Variants in FAM53A observed in about 807,000 individuals in gnomAD.
FAM53A encodes the protein family with sequence similarity 53 member A.
In FAM53A, 28 loss-of-function variants were observed where a neutral mutation model predicts 26.6. The ratio of observed to expected loss-of-function variants is 1.05; its 90% CI spans 0.78 to 1.45. The LOEUF is 1.45. Among genes scored for constraint, FAM53A ranks in the 40% most tolerant of loss-of-function variants. The probability of loss-of-function intolerance (pLI) is 0.00; values close to 1 mark genes in which losing one functional copy is unlikely to be tolerated. For synonymous variants in FAM53A, 290 were observed against 253.1 expected (o/e 1.15, Z -1.38); for missense variants, 650 against 575.8 (o/e 1.13, Z -1.32).
chr4:1,621,990 C>T (rs28545138), intron 1 of FAM53A, among the ~76,000 whole-genome samples: 52,829 of 152,018 alleles, frequency 0.35, 9,768 homozygotes, highest in East Asian at 0.44. Flanking sequence ...GTCTTGGGAA[C>T]GGGGCACATA....
downstream of FAM53A, among the ~76,000 whole-genome samples, chr4:1,617,649 C>A (rs1714857051): frequency 6.6e-6 from 1 of 152,184 alleles, no homozygotes; most frequent in Non-Finnish European, 1.5e-5. Context: ...TTTCTTCTTT[C>A]ACTGTTTCCA....
At chr4:1,682,961 AAC>A (rs1367113078) in intron 1 of FAM53A, among the ~76,000 whole-genome samples, 17 of 152,244 alleles carry the variant, frequency 1.1e-4, no homozygotes, top group Admixed American at 5.2e-4. Context: ...CACAGAACAC[AAC>A]AGAGGGACAA....
the FAM53A span, among the ~76,000 whole-genome samples, chr4:1,603,194 T>C: frequency 1.3e-5 from 2 of 151,966 alleles, no homozygotes; most frequent in African/African-American, 4.8e-5. Flanking sequence ...GGATAAGACA[T>C]GGGATGGCAA....
Position 1,633,035 on chromosome 4 carries a change from CACGCAT to C in FAM53A, c.432-14930_432-14925del, listed in dbSNP as rs1490346656. Among the ~76,000 whole-genome samples the C allele has an allele frequency of 7.2e-3, 1,093 of 152,328 alleles. 16 individuals are homozygous for C. The highest frequency in any genetic ancestry group is 0.025 in the African/African-American group (1,029 of 41,540). On this transcript the variant is annotated intron_variant, in intron 1 of 1. Transcript: ENST00000489029. ...ACGCATAGGTACACGCTCATGCTCA[CACGCAT>C]AGGTACATGCTCATGCGCACACACA...
At chr4:1,628,629 TG>T (rs1178174048) in intron 1 of FAM53A, among the ~76,000 whole-genome samples, 1 of 6,446 alleles carries the variant, frequency 1.6e-4, no homozygotes. Flanking sequence ...GAGGGTGGCA[TG>T]GGGGGAGGGT....
chr4:1,644,344 T>C, intron 4 of FAM53A: 1 of 1,535,784 alleles, frequency 6.5e-7, no homozygotes, highest in Middle Eastern at 1.7e-4. Context: ...GCTGTGCGGC[T>C]AGAGCGTGAA....
the FAM53A span, among the ~76,000 whole-genome samples, chr4:1,582,787 C>T: frequency 1.1e-4 from 17 of 152,242 alleles, no homozygotes; most frequent in Admixed American, 2.6e-4. Context: ...CCCAGGAGGT[C>T]GAGTCTGCCA....
chr4:1,580,531 C>T, the FAM53A span, among the ~76,000 whole-genome samples: 1 of 150,740 alleles, frequency 6.6e-6, no homozygotes, highest in Non-Finnish European at 1.5e-5. Context: ...CGCCCGGACC[C>T]CGCCTCCACT....
the FAM53A span, among the ~76,000 whole-genome samples, chr4:1,607,812 T>C: frequency 2.6e-5 from 4 of 152,088 alleles, no homozygotes; most frequent in Admixed American, 6.5e-5. Flanking sequence ...TGGAGGCGTG[T>C]GCCTGTAATC....
At chr4:1,666,612 C>T (rs1714255263) in intron 2 of FAM53A, among the ~76,000 whole-genome samples, 1 of 152,254 alleles carries the variant, frequency 6.6e-6, no homozygotes, top group Non-Finnish European at 1.5e-5. Flanking sequence ...CCAAAAATGT[C>T]CTCAGAGGCA....
downstream of FAM53A, among the ~76,000 whole-genome samples, chr4:1,636,777 G>A (rs563925649): frequency 2.4e-4 from 37 of 152,366 alleles, no homozygotes; most frequent in African/African-American, 8.7e-4. Flanking sequence ...GCCAGACCAG[G>A]CATCGGGAGG....
At chr4:1,682,952 A>G (rs1296003352) in intron 1 of FAM53A, among the ~76,000 whole-genome samples, 2 of 152,234 alleles carry the variant, frequency 1.3e-5, no homozygotes, top group Non-Finnish European at 2.9e-5. Flanking sequence ...AAGTCGCAAC[A>G]CAGAACACAA....
the FAM53A span, among the ~76,000 whole-genome samples, chr4:1,611,296 CA>C: frequency 2.0e-5 from 3 of 152,078 alleles, no homozygotes; most frequent in Non-Finnish European, 4.4e-5. Flanking sequence ...CCCTGAGAGA[CA>C]CCCCTGGCTG....
the FAM53A span, among the ~76,000 whole-genome samples, chr4:1,596,068 G>C: frequency 6.6e-6 from 1 of 152,350 alleles, no homozygotes; most frequent in East Asian, 1.9e-4. Flanking sequence ...GCCCATGAGG[G>C]TCCCTGCTCC....
At chr4:1,625,263 G>A (rs1194016789) in intron 1 of FAM53A, among the ~76,000 whole-genome samples, 1 of 52,768 alleles carries the variant, frequency 1.9e-5, no homozygotes. Context: ...CCCACGTCCC[G>A]ACCCACGTGG....
intron 1 of FAM53A, among the ~76,000 whole-genome samples, chr4:1,626,622 AC>A (rs897768390): frequency 1.4e-5 from 2 of 145,518 alleles, no homozygotes; most frequent in African/African-American, 5.2e-5. Context: ...CATCTGGGGG[AC>A]CCGGGACAGT....
chr4:1,584,212 T>C, the FAM53A span, among the ~76,000 whole-genome samples: 7 of 152,258 alleles, frequency 4.6e-5, no homozygotes, highest in Non-Finnish European at 1.0e-4. Context: ...TTTCATCTTA[T>C]GATTTGTTCT....
At chr4:1,677,084 ACCCCTC>A (rs989943414) in intron 1 of FAM53A, among the ~76,000 whole-genome samples, 1 of 151,916 alleles carries the variant, frequency 6.6e-6, no homozygotes, top group African/African-American at 2.4e-5. Context: ...CACTCGGGGC[ACCCCTC>A]CCCCTCATCT....
chr4:1,639,079 A>AGCAGAGGGCCCTGTGGGACCCTGGCAG (rs1233507772), downstream of FAM53A, among the ~76,000 whole-genome samples: 2 of 152,164 alleles, frequency 1.3e-5, no homozygotes, highest in Non-Finnish European at 2.9e-5. Context: ...CCCGACCTGC[A>AGCAGAGGGCCCTGTGGGACCCTGGCAG]GCAGAGGGCC....
Sources: allele counts gnomAD v4.1 joint callset (sites outside exome capture counted in the v4.1 genomes callset), GRCh38; gene constraint gnomAD v4.1.1; transcripts MANE v1.5; gene names NCBI Gene and HGNC (gene_info 2026-07-23, HGNC 2026-07-21).